C5: variants seen among roughly 807,000 people sequenced by gnomAD.
The protein encoded by C5 is C3 and PZP-like alpha-2-macroglobulin domain-containing protein 4.
Under a neutral mutation model 218.8 loss-of-function variants are expected in C5, and 140 were observed. The observed-to-expected ratio is 0.64, with a 90% CI of 0.56 to 0.74. The LOEUF is 0.74. C5 is among the 30% of genes least tolerant of loss of function. The probability of loss-of-function intolerance (pLI) is 0.00; values close to 1 mark genes in which losing one functional copy is unlikely to be tolerated. For synonymous variants in C5, 614 were observed against 682.3 expected, an observed-to-expected ratio of 0.90 and a Z score of 1.56; for missense variants, 1,700 against 1,969.6, an observed-to-expected ratio of 0.86 and a Z score of 2.59.
intron 30 of C5, among the ~76,000 whole-genome samples, chr9:120,973,973 C>CA (rs11450724): frequency 0.18 from 25,101 of 143,350 alleles, 2,902 homozygotes; most frequent in African/African-American, 0.34. Flanking sequence ...AACTCCATCT[C>CA]AAAAAAAAAA....
upstream of C5, among the ~76,000 whole-genome samples, chr9:121,051,136 T>C (rs2047668410): frequency 6.6e-6 from 1 of 151,500 alleles, no homozygotes; most frequent in African/African-American, 2.4e-5. Context: ...TTTTTTTTTT[T>C]TTTGGAGACA....
upstream of C5, among the ~76,000 whole-genome samples, chr9:121,055,024 T>C (rs975168890): frequency 6.6e-6 from 1 of 152,134 alleles, no homozygotes; most frequent in African/African-American, 2.4e-5. Context: ...CTTTAGACAA[T>C]AGCTTAACCC....
chr9:120,975,706 G>C (rs1339137357), intron 29 of C5, among the ~76,000 whole-genome samples: 2 of 152,072 alleles, frequency 1.3e-5, no homozygotes, highest in East Asian at 3.9e-4. Flanking sequence ...CCTTCACCAG[G>C]TGCAGCCCCC....
chr9:120,984,632 G>C (rs1472126276), intron 25 of C5, among the ~76,000 whole-genome samples: 1 of 150,968 alleles, frequency 6.6e-6, no homozygotes, highest in Non-Finnish European at 1.5e-5. Context: ...CATCCTTTGG[G>C]ATCAATTATA....
chr9:120,960,696 T>C (rs1438531961), intron 37 of C5, among the ~76,000 whole-genome samples: 1 of 152,232 alleles, frequency 6.6e-6, no homozygotes, highest in Non-Finnish European at 1.5e-5. Context: ...TTAGCTATTG[T>C]TAGTGTTAGC....
At position 120,953,746 on chromosome 9, in the gene C5, A is replaced by G; in HGVS notation, c.4885T>C (p.Tyr1629His). 1 of 1,614,078 alleles carries G rather than the reference A, an allele frequency of 6.2e-7. No homozygotes were observed. ...IMGKEALQIK[Y>H]NFSFRYIYPL... Reference sequence around the variant, plus strand: ...GTGACTTACCTGAAACTGAAATTGTATTTTATCTGGAGGGCTTCTTTACCC... The same window carrying G: ...GTGACTTACCTGAAACTGAAATTGTGTTTTATCTGGAGGGCTTCTTTACCC... Residue 1629 changes from tyrosine to histidine, a missense_variant, in exon 40 of 41, where the codon TAC (tyrosine) becomes CAC (histidine). Physicochemically the swap from Tyr to His is moderately conservative, Grantham distance 83. Coordinates refer to ENST00000223642, the MANE Select transcript of C5 (RefSeq NM_001735.3).
intron 22 of C5, among the ~76,000 whole-genome samples, chr9:120,991,515 T>C (rs1489417067): frequency 6.6e-6 from 1 of 152,238 alleles, no homozygotes; most frequent in Non-Finnish European, 1.5e-5. Flanking sequence ...CATTATAAGA[T>C]GTGAAATAAA....
At chr9:120,993,147 G>A (rs1026915538) in intron 22 of C5, among the ~76,000 whole-genome samples, 1 of 152,186 alleles carries the variant, frequency 6.6e-6, no homozygotes, top group Non-Finnish European at 1.5e-5. Flanking sequence ...ACATTTTAGA[G>A]AGGCAAGTGT....
At chr9:121,030,795 A>C (rs1353880392) in intron 6 of C5, among the ~76,000 whole-genome samples, 3 of 152,314 alleles carry the variant, frequency 2.0e-5, no homozygotes, top group Admixed American at 6.5e-5. Flanking sequence ...AAAACTTTTC[A>C]ATTGTGACAT....
Position 121,017,343 on chromosome 9 carries a change from G to A in C5, c.1866+19C>T, listed in dbSNP as rs199551001. On this transcript the variant is annotated intron_variant, in intron 14 of 40. Transcript: ENST00000223642. ...GCCACACTTCATGCAACACTGCAGC[G>A]AGACATGCATTACTTAACTCTTTCC... 9.1e-5 allele frequency: 147 copies of A among 1,612,988 alleles called. No individual in the cohort carries two copies. Among genetic ancestry groups the A allele is most frequent in the Admixed American group, 3.8e-4 (23 of 59,994 alleles).
chr9:120,957,467 T>C (rs1392548589), intron 38 of C5, 99 bp from the exon 39 acceptor site: 9 of 853,996 alleles, frequency 1.1e-5, no homozygotes, highest in Non-Finnish European at 1.6e-5. Context: ...AAATGAAGCA[T>C]GGCAAACTAT....
chr9:120,980,541 T>C lies in C5; in HGVS notation c.3487-287A>G, dbSNP rs142356449. ...GTGCCTTTAGTTTCTGAGTACACCGTCAGACCTAGCCTCCAGGAAGAAAAG... is the reference window on the plus strand; with the variant it reads ...GTGCCTTTAGTTTCTGAGTACACCGCCAGACCTAGCCTCCAGGAAGAAAAG... On this transcript the variant is annotated intron_variant, in intron 27 of 40. Transcript: ENST00000223642. Among the ~76,000 whole-genome samples the C allele has an allele frequency of 1.9e-4, 29 of 152,268 alleles. No homozygotes were observed. The East Asian group carries it at 5.0e-3, about 26-fold the overall frequency.
chr9:121,074,364 C>T, the C5 span, among the ~76,000 whole-genome samples: 1 of 152,216 alleles, frequency 6.6e-6, no homozygotes, highest in Non-Finnish European at 1.5e-5. Context: ...CTTGCTTTAA[C>T]TCCCTTGTAG....
intron 5 of C5, among the ~76,000 whole-genome samples, chr9:121,034,364 G>A (rs1225546038): frequency 6.6e-6 from 1 of 152,052 alleles, no homozygotes; most frequent in Non-Finnish European, 1.5e-5. Flanking sequence ...ATCCTTTCAT[G>A]TGAGGCCAAA....
At position 121,027,185 on chromosome 9, in the gene C5, A is replaced by T; in HGVS notation, c.848T>A (p.Met283Lys). The change falls in exon 8 of 41, where the codon ATG becomes AAG. Residue 283 changes from methionine to lysine, a missense_variant. By Grantham distance (95) the Met-to-Lys change is moderately conservative. Transcript: ENST00000223642. ...CATTGTGTTTTGCATTGCTGTTTGC[A>T]TCATTTCTTTTTGATCATCTTTTAA... ...EDLKDDQKEMMQTAMQNTMLI... is the reference protein window; with the variant it reads ...EDLKDDQKEMKQTAMQNTMLI... 6.3e-7 allele frequency: 1 copy of T among 1,593,596 alleles called. No homozygotes were observed. The highest frequency in any genetic ancestry group is 8.6e-7 in the Non-Finnish European group (1 of 1,164,032).
intron 12 of C5, among the ~76,000 whole-genome samples, chr9:121,018,744 A>AGAAG (rs2047336229): frequency 2.7e-5 from 2 of 73,542 alleles, no homozygotes; most frequent in African/African-American, 1.1e-4. Flanking sequence ...AAGGAAGGAA[A>AGAAG]GGAAGGAAGG....
intron 2 of C5, among the ~76,000 whole-genome samples, chr9:121,043,879 C>T (rs2047602815): frequency 6.6e-6 from 1 of 151,886 alleles, no homozygotes; most frequent in African/African-American, 2.4e-5. Flanking sequence ...AGTATTACCT[C>T]ACATATTTCT....
intron 22 of C5, among the ~76,000 whole-genome samples, chr9:120,994,884 T>C (rs1338683975): frequency 6.7e-6 from 1 of 148,696 alleles, no homozygotes; most frequent in Non-Finnish European, 1.5e-5. Flanking sequence ...CTCTGGAAAA[T>C]TGTTTGCAAT....
chr9:121,057,661 T>C, the C5 span, among the ~76,000 whole-genome samples: 1 of 151,946 alleles, frequency 6.6e-6, no homozygotes, highest in Non-Finnish European at 1.5e-5. Flanking sequence ...AATTAAAACA[T>C]ACTACTAGAG....
Sources: allele counts gnomAD v4.1 joint callset (sites outside exome capture counted in the v4.1 genomes callset), GRCh38; gene constraint gnomAD v4.1.1; transcripts MANE v1.5; gene names NCBI Gene and HGNC (gene_info 2026-07-23, HGNC 2026-07-21).